The following FILIP1L variants were observed in gnomAD, a reference collection of about 807,000 sequenced individuals.
FILIP1L encodes the protein filamin A interacting protein 1 like.
In FILIP1L, 55 loss-of-function variants were observed where a neutral mutation model predicts 96.6. The observed-to-expected ratio is 0.57, with a 90% CI of 0.46 to 0.71. The LOEUF is 0.71. FILIP1L is among the 30% of genes least tolerant of loss of function. The pLI is 0.00. For missense variants in FILIP1L, 1,304 were observed against 1,321.2 expected, an observed-to-expected ratio of 0.99 and a Z score of 0.20; for synonymous variants, 467 against 473.9, an observed-to-expected ratio of 0.99 and a Z score of 0.19.
intron 1 of FILIP1L, among the ~76,000 whole-genome samples, chr3:100,105,098 A>G (rs2066371948): frequency 2.0e-5 from 3 of 152,306 alleles, no homozygotes; most frequent in South Asian, 4.1e-4. Flanking sequence ...TAGTCTTGGA[A>G]AGGGTGTTCA....
intron 4 of FILIP1L, among the ~76,000 whole-genome samples, chr3:99,878,083 G>A (rs893102557): frequency 1.3e-5 from 2 of 152,146 alleles, no homozygotes; most frequent in African/African-American, 2.4e-5. Context: ...GAGGATTAGG[G>A]CTTCTACTCC....
intron 5 of FILIP1L, chr3:99,833,146 G>A (rs750867713): frequency 2.3e-5 from 28 of 1,211,732 alleles, no homozygotes; most frequent in Non-Finnish European, 3.3e-5. Context: ...CTCATTCATA[G>A]AAGAAAACGA....
intron 1 of FILIP1L, among the ~76,000 whole-genome samples, chr3:100,062,996 C>G (rs1439749051): frequency 6.6e-6 from 1 of 152,186 alleles, no homozygotes; most frequent in African/African-American, 2.4e-5. Context: ...CCTTTTGACA[C>G]ATAAAGGCAA....
chr3:99,962,656 G>A (rs1708529285), intron 1 of FILIP1L, among the ~76,000 whole-genome samples: 1 of 152,148 alleles, frequency 6.6e-6, no homozygotes, highest in South Asian at 2.1e-4. Flanking sequence ...AACACATATA[G>A]CACTGTAGGC....
chr3:99,910,039 G>A (rs936462522), intron 4 of FILIP1L, among the ~76,000 whole-genome samples: 2 of 97,846 alleles, frequency 2.0e-5, no homozygotes, highest in African/African-American at 5.9e-5. Context: ...TAACAGTGAA[G>A]GGCTTCAGTG....
intron 1 of FILIP1L, among the ~76,000 whole-genome samples, chr3:99,976,102 C>T (rs1458736303): frequency 6.6e-6 from 1 of 152,108 alleles, no homozygotes; most frequent in African/African-American, 2.4e-5. Context: ...CCAGGCTGGT[C>T]TCGAACTTTT....
intron 1 of FILIP1L, among the ~76,000 whole-genome samples, chr3:100,112,341 GT>G (rs1223990750): frequency 6.6e-6 from 1 of 152,112 alleles, no homozygotes; most frequent in Non-Finnish European, 1.5e-5. Flanking sequence ...TTACATTTAG[GT>G]TTTTTGCATC....
chr3:99,835,848 G>A (rs910533443), intron 5 of FILIP1L, among the ~76,000 whole-genome samples: 17 of 152,188 alleles, frequency 1.1e-4, no homozygotes, highest in African/African-American at 3.9e-4. Context: ...TTTTCCAGAG[G>A]AAGTGACACA....
chr3:100,029,800 C>T (rs888255338), intron 1 of FILIP1L, among the ~76,000 whole-genome samples: 5 of 152,156 alleles, frequency 3.3e-5, no homozygotes, highest in Non-Finnish European at 7.3e-5. Context: ...TGTCACTACG[C>T]TATATAGTGA....
chr3:99,878,981 T>C (rs1705630722), intron 4 of FILIP1L, among the ~76,000 whole-genome samples: 2 of 152,268 alleles, frequency 1.3e-5, no homozygotes, highest in Admixed American at 1.3e-4. Flanking sequence ...ATAGTAGAGT[T>C]ATGATCACTG....
intron 4 of FILIP1L, among the ~76,000 whole-genome samples, chr3:99,911,301 G>C (rs1241472871): frequency 1.3e-5 from 2 of 148,972 alleles, no homozygotes; most frequent in South Asian, 2.1e-4. Context: ...TCTGGTTGTT[G>C]TTTTTGTTAT....
intron 4 of FILIP1L, among the ~76,000 whole-genome samples, chr3:99,866,368 G>A (rs879480246): frequency 2.6e-5 from 4 of 152,098 alleles, no homozygotes; most frequent in Non-Finnish European, 2.9e-5. Flanking sequence ...GAAACCAAAC[G>A]TTTCCTAACT....
chr3:99,967,273 A>C (rs1331228687), intron 1 of FILIP1L, among the ~76,000 whole-genome samples: 1 of 152,124 alleles, frequency 6.6e-6, no homozygotes, highest in African/African-American at 2.4e-5. Context: ...ATTAATACTT[A>C]CCTCATGAGG....
chr3:100,037,546 G>A (rs2065129321), intron 1 of FILIP1L, among the ~76,000 whole-genome samples: 3 of 152,028 alleles, frequency 2.0e-5, no homozygotes, highest in Non-Finnish European at 4.4e-5. Flanking sequence ...ATAAACTGAG[G>A]AATACAAAAT....
intron 4 of FILIP1L, among the ~76,000 whole-genome samples, chr3:99,923,801 C>T (rs1396358706): frequency 2.0e-5 from 3 of 152,246 alleles, no homozygotes; most frequent in Admixed American, 1.3e-4. Context: ...CAAGGCAAGC[C>T]TTTCCTTTTC....
intron 4 of FILIP1L, among the ~76,000 whole-genome samples, chr3:99,894,969 C>A (rs192305662): frequency 2.6e-5 from 4 of 152,160 alleles, no homozygotes; most frequent in African/African-American, 4.8e-5. Flanking sequence ...CAAATGTGTT[C>A]CAGGTTCCCA....
intron 1 of FILIP1L, among the ~76,000 whole-genome samples, chr3:100,050,680 G>A (rs1030421567): frequency 1.3e-4 from 20 of 152,028 alleles, no homozygotes; most frequent in Non-Finnish European, 1.9e-4. Context: ...ACAGGTGTGC[G>A]CCACCTTGCC....
intron 1 of FILIP1L, among the ~76,000 whole-genome samples, chr3:100,016,247 C>A (rs915182555): frequency 1.3e-5 from 2 of 152,158 alleles, no homozygotes; most frequent in African/African-American, 2.4e-5. Flanking sequence ...GGCTGGAGTG[C>A]AATGGTGCGA....
At chr3:99,876,279 G>A in intron 4 of FILIP1L, 2 of 925,264 alleles carry the variant, frequency 2.2e-6, no homozygotes, top group Non-Finnish European at 2.6e-6. Flanking sequence ...GGTGACCGCG[G>A]GACCCTCGGC....
Sources: gnomAD v4.1 joint callset for allele counts (sites outside exome capture counted in the v4.1 genomes callset) on GRCh38, gnomAD v4.1.1 for gene constraint, MANE v1.5 for transcripts, NCBI Gene and HGNC (gene_info 2026-07-23, HGNC 2026-07-21) for gene names.